The following KALRN variants were observed in gnomAD, a reference collection of about 807,000 sequenced individuals.
KALRN encodes the protein kalirin.
Under a neutral mutation model 353.7 loss-of-function variants are expected in KALRN, and 70 were observed. The observed-to-expected ratio is 0.20, with a 90% CI of 0.16 to 0.24. The LOEUF (loss-of-function observed/expected upper bound fraction) is 0.24, where lower values mean the gene tolerates loss of function less well. Among genes scored for constraint, KALRN ranks in the 10% least tolerant of loss-of-function variants. KALRN has a pLI of 1.00. For synonymous variants in KALRN, 1,391 were observed against 1,434.8 expected (o/e 0.97, Z 0.69); for missense variants, 2,791 against 3,756.7 (o/e 0.74, Z 6.72).
At chr3:124,047,759 T>C (rs2040643105) in intron 1 of KALRN, among the ~76,000 whole-genome samples, 1 of 151,794 alleles carries the variant, frequency 6.6e-6, no homozygotes. Context: ...TGCCTTGGCC[T>C]CCCGAAGTGC....
chr3:124,529,032 A>G (rs1348120591), intron 33 of KALRN, among the ~76,000 whole-genome samples: 1 of 152,156 alleles, frequency 6.6e-6, no homozygotes, highest in Non-Finnish European at 1.5e-5. Flanking sequence ...TTGAACTTAT[A>G]TGTACGTGTA....
At chr3:124,154,177 G>T (rs1193428580) in intron 1 of KALRN, among the ~76,000 whole-genome samples, 1 of 152,030 alleles carries the variant, frequency 6.6e-6, no homozygotes, top group East Asian at 1.9e-4. Flanking sequence ...TGGTGTTTTA[G>T]ACATTCCCTT....
intron 37 of KALRN, among the ~76,000 whole-genome samples, chr3:124,638,008 C>G (rs1336316920): frequency 6.6e-6 from 1 of 152,184 alleles, no homozygotes; most frequent in Non-Finnish European, 1.5e-5. Context: ...TGTTCCTCCA[C>G]TCTCCTGTTT....
chr3:124,643,553 C>T (rs2150008688), intron 37 of KALRN, among the ~76,000 whole-genome samples: 1 of 152,312 alleles, frequency 6.6e-6, no homozygotes, highest in Admixed American at 6.5e-5. Context: ...TTGATCTCGG[C>T]TCACTGCAGC....
Position 124,175,027 on chromosome 3 carries a change from C to A in KALRN, c.74-52963C>A, listed in dbSNP as rs80338542. On this transcript the variant is annotated intron_variant, in intron 1 of 59. Transcript: ENST00000682506. ...GCTGGCAGGACCAGTGTCCCATATC[C>A]CTGGGCCAGCTTGACTTCTATTGTC... Among the ~76,000 whole-genome samples the A allele has an allele frequency of 1.3e-3, 198 of 152,278 alleles. 1 individual carries two copies. In the Middle Eastern group the frequency reaches 0.014, roughly 10 times the overall value.
intron 1 of KALRN, among the ~76,000 whole-genome samples, chr3:124,216,004 A>C (rs1347208742): frequency 6.6e-6 from 1 of 152,218 alleles, no homozygotes; most frequent in Non-Finnish European, 1.5e-5. Context: ...CGGGGGTGTC[A>C]TAAGTTTGGA....
At chr3:124,615,451 T>C (rs1298732488) in intron 34 of KALRN, among the ~76,000 whole-genome samples, 1 of 152,234 alleles carries the variant, frequency 6.6e-6, no homozygotes, top group Non-Finnish European at 1.5e-5. Flanking sequence ...ATATAAGAGA[T>C]GTCCTTGTTT....
At chr3:124,501,605 C>T (rs1486217234) in intron 33 of KALRN, among the ~76,000 whole-genome samples, 1 of 152,190 alleles carries the variant, frequency 6.6e-6, no homozygotes, top group Non-Finnish European at 1.5e-5. Flanking sequence ...GCTGCAGGAG[C>T]CTTCTGAGAA....
chr3:124,623,420 AC>A (rs2079541249), intron 34 of KALRN, among the ~76,000 whole-genome samples: 2 of 148,864 alleles, frequency 1.3e-5, no homozygotes, highest in Non-Finnish European at 3.0e-5. Context: ...ACACACACAC[AC>A]ACACACAAAA....
At chr3:124,242,020 G>A (rs2080516300) in intron 3 of KALRN, among the ~76,000 whole-genome samples, 1 of 152,188 alleles carries the variant, frequency 6.6e-6, no homozygotes, top group Non-Finnish European at 1.5e-5. Context: ...ATAGGGCAGA[G>A]AGGCATGTAG....
At chr3:124,552,221 G>A (rs898889091) in intron 33 of KALRN, among the ~76,000 whole-genome samples, 3 of 152,168 alleles carry the variant, frequency 2.0e-5, no homozygotes, top group South Asian at 2.1e-4. Context: ...TTTAGAATGC[G>A]CTGTTTCTTC....
intron 3 of KALRN, among the ~76,000 whole-genome samples, chr3:124,250,762 A>T (rs1441574153): frequency 6.6e-6 from 1 of 152,046 alleles, no homozygotes; most frequent in Non-Finnish European, 1.5e-5. Context: ...TGGGAGGGCT[A>T]TGTGGGTTTT....
intron 1 of KALRN, among the ~76,000 whole-genome samples, chr3:124,171,414 G>T (rs887869789): frequency 7.2e-5 from 11 of 152,126 alleles, no homozygotes; most frequent in African/African-American, 2.7e-4. Context: ...TCATCTTTTT[G>T]TGATATCTTA....
At chr3:124,345,962 T>C (rs755480047) in intron 9 of KALRN, among the ~76,000 whole-genome samples, 3 of 152,218 alleles carry the variant, frequency 2.0e-5, no homozygotes, top group Non-Finnish European at 4.4e-5. Flanking sequence ...TCCTTTTAAA[T>C]AGACCTAGTT....
Position 124,384,993 on chromosome 3 carries a change from T to A in KALRN, c.1919T>A (p.Leu640His). Residue 640 changes from leucine to histidine, a missense_variant, in exon 11 of 60, where the codon CTT becomes CAT. Coordinates refer to ENST00000682506, the MANE Select transcript of KALRN (RefSeq NM_001388419.1). ...GTGCGCAGGGTGGAGCAGCGGAAGC[T>A]TCTCCTGGACATGTCTGTTTCCTTC... ...DFVRRVEQRK[L>H]LLDMSVSFHT... 1 of 1,612,984 alleles carries A rather than the reference T, an allele frequency of 6.2e-7. No individual in the cohort carries two copies. The highest frequency in any genetic ancestry group is 8.5e-7 in the Non-Finnish European group (1 of 1,179,402).
At chr3:124,712,882 A>G in intron 57 of KALRN, 53 bp from the exon 58 acceptor site, 1 of 1,320,046 alleles carries the variant, frequency 7.6e-7, no homozygotes, top group South Asian at 1.3e-5. Context: ...CATGAATAAA[A>G]TATATCTAGT....
intron 34 of KALRN, among the ~76,000 whole-genome samples, chr3:124,623,084 T>C (rs1482784252): frequency 6.6e-6 from 1 of 152,044 alleles, no homozygotes; most frequent in Non-Finnish European, 1.5e-5. Context: ...TTTTTTTCTT[T>C]CTTTGTCTCT....
rs150984340 is a variant in KALRN at position 124,304,278 on chromosome 3, A to G, written c.1092+5365A>G. On this transcript the variant is annotated intron_variant, in intron 6 of 59. Coordinates refer to ENST00000682506, the MANE Select transcript of KALRN (RefSeq NM_001388419.1). ...AAGAGTTCAATCTTATCCAGTAAGC[A>G]TTAGTCTTTTTAGTATAATTTTTTG... Among the ~76,000 whole-genome samples, 298 of 152,272 alleles carry G rather than the reference A, an allele frequency of 2.0e-3. 1 individual carries two copies. The highest frequency in any genetic ancestry group is 6.9e-3 in the African/African-American group (287 of 41,554).
chr3:124,583,586 G>T (rs184427558), intron 34 of KALRN, among the ~76,000 whole-genome samples: 2 of 152,300 alleles, frequency 1.3e-5, no homozygotes. Context: ...CATTCACCTG[G>T]AAATATTAAA....
Sources: allele counts gnomAD v4.1 joint callset (sites outside exome capture counted in the v4.1 genomes callset), GRCh38; gene constraint gnomAD v4.1.1; transcripts MANE v1.5; gene names NCBI Gene and HGNC (gene_info 2026-07-23, HGNC 2026-07-21).